GALNT13: variants seen among roughly 807,000 people sequenced by gnomAD.
GALNT13 encodes the protein polypeptide N-acetylgalactosaminyltransferase 13.
A neutral mutation model predicts 64.2 loss-of-function variants in GALNT13; 28 were observed. The ratio of observed to expected loss-of-function variants is 0.44; its 90% CI spans 0.32 to 0.60. The LOEUF (loss-of-function observed/expected upper bound fraction) is 0.60, where lower values mean the gene tolerates loss of function less well. Ranked by LOEUF, GALNT13 falls within the 20% of genes least tolerant of loss-of-function variation. The probability of loss-of-function intolerance (pLI) is 0.05; values close to 1 mark genes in which losing one functional copy is unlikely to be tolerated. For missense variants in GALNT13, 577 were observed against 669.8 expected (o/e 0.86, Z 1.53); for synonymous variants, 214 against 224.6 (o/e 0.95, Z 0.42).
the GALNT13 span, among the ~76,000 whole-genome samples, chr2:153,236,217 A>T: frequency 6.6e-6 from 1 of 152,162 alleles, no homozygotes; most frequent in Non-Finnish European, 1.5e-5. Flanking sequence ...AAGGAAAGAA[A>T]ATGTCTCCAT....
intron 9 of GALNT13, among the ~76,000 whole-genome samples, chr2:154,390,976 G>C (rs1336286248): frequency 6.6e-6 from 1 of 152,182 alleles, no homozygotes; most frequent in Non-Finnish European, 1.5e-5. Flanking sequence ...GCCTAGAAAA[G>C]TCCCTTGTAC....
the GALNT13 span, among the ~76,000 whole-genome samples, chr2:153,725,414 A>T: frequency 6.6e-6 from 1 of 151,226 alleles, no homozygotes; most frequent in African/African-American, 2.4e-5. Flanking sequence ...TATGTAACTA[A>T]CCTGCACAAT....
At chr2:153,395,867 G>C in the GALNT13 span, among the ~76,000 whole-genome samples, 2 of 152,084 alleles carry the variant, frequency 1.3e-5, no homozygotes. Flanking sequence ...TAGTATTACT[G>C]GGTTAAGGGA....
At chr2:153,389,244 T>A in the GALNT13 span, among the ~76,000 whole-genome samples, 1 of 152,134 alleles carries the variant, frequency 6.6e-6, no homozygotes, top group East Asian at 1.9e-4. Context: ...TACAGTCCCC[T>A]GCTGATATTT....
chr2:153,900,260 A>G (rs1329374702), intron 1 of GALNT13, among the ~76,000 whole-genome samples: 3 of 152,202 alleles, frequency 2.0e-5, no homozygotes, highest in African/African-American at 7.2e-5. Context: ...TTGAGATTCA[A>G]AATCAATATG....
chr2:153,197,792 G>A, the GALNT13 span, among the ~76,000 whole-genome samples: 1 of 152,184 alleles, frequency 6.6e-6, no homozygotes, highest in African/African-American at 2.4e-5. Flanking sequence ...CAAGCTCTAG[G>A]TACCACGTGC....
chr2:153,740,357 G>A, the GALNT13 span, among the ~76,000 whole-genome samples: 1 of 151,764 alleles, frequency 6.6e-6, no homozygotes, highest in South Asian at 2.1e-4. Context: ...CTGTATTCTG[G>A]TATTAAACCT....
At chr2:153,849,376 A>G in the GALNT13 span, among the ~76,000 whole-genome samples, 1 of 152,190 alleles carries the variant, frequency 6.6e-6, no homozygotes, top group Non-Finnish European at 1.5e-5. Flanking sequence ...TGTACCTCTA[A>G]TACTCGATAA....
chr2:154,227,052 TA>T (rs1185178999), intron 4 of GALNT13, among the ~76,000 whole-genome samples: 1 of 152,122 alleles, frequency 6.6e-6, no homozygotes, highest in Non-Finnish European at 1.5e-5. Flanking sequence ...CCACTTCATC[TA>T]AAGATGCAAC....
chr2:154,044,106 G>T (rs1336023492), intron 3 of GALNT13, among the ~76,000 whole-genome samples: 1 of 151,820 alleles, frequency 6.6e-6, no homozygotes, highest in Non-Finnish European at 1.5e-5. Context: ...AAAAATATAA[G>T]ATTTGGGCTT....
chr2:153,239,420 T>C, the GALNT13 span, among the ~76,000 whole-genome samples: 5 of 152,148 alleles, frequency 3.3e-5, no homozygotes, highest in Non-Finnish European at 5.9e-5. Flanking sequence ...TTCCAGATCT[T>C]AGAGAAAAGG....
the GALNT13 span, among the ~76,000 whole-genome samples, chr2:153,430,565 G>C: frequency 1.3e-5 from 2 of 148,504 alleles, no homozygotes; most frequent in Non-Finnish European, 3.0e-5. Flanking sequence ...ACTAAGTCTA[G>C]CTTATAATTT....
chr2:154,217,176 C>T (rs995034027), intron 4 of GALNT13, among the ~76,000 whole-genome samples: 4 of 151,882 alleles, frequency 2.6e-5, no homozygotes, highest in Non-Finnish European at 4.4e-5. Flanking sequence ...AAAAAATATA[C>T]CCTATCATTT....
chr2:154,450,594 T>G lies in GALNT13; in HGVS notation c.*43T>G. On this transcript the variant is annotated 3_prime_UTR_variant, in exon 13 of 13. Coordinates refer to ENST00000392825, the MANE Select transcript of GALNT13 (RefSeq NM_052917.4). The stretch of plus-strand genomic sequence containing the variant: ...CCATGAAAGTGTCTACGCTTTTGTT[T>G]TTCCATTATTTCAATTGGGGGAAAA... 1 of 1,479,418 alleles carries G rather than the reference T, an allele frequency of 6.8e-7. No individual in the cohort carries two copies. The highest frequency in any genetic ancestry group is 9.0e-7 in the Non-Finnish European group (1 of 1,108,916). 91.6% of individuals were successfully genotyped at this position (1,479,418 alleles called of 1,614,324 possible). A position where few individuals can be genotyped will look rare whatever the true frequency, so the allele number is the denominator to read the frequency against.
intron 3 of GALNT13, among the ~76,000 whole-genome samples, chr2:154,120,166 A>G (rs72871830): frequency 0.015 from 2,247 of 152,250 alleles, 32 homozygotes; most frequent in Middle Eastern, 0.041. Context: ...CTGGCCTGGT[A>G]GAGCTTGCTG....
chr2:153,121,324 C>A, the GALNT13 span, among the ~76,000 whole-genome samples: 1 of 152,142 alleles, frequency 6.6e-6, no homozygotes, highest in Non-Finnish European at 1.5e-5. Flanking sequence ...TTTTAGAAAT[C>A]TAAAATAGAT....
intron 11 of GALNT13, among the ~76,000 whole-genome samples, chr2:154,413,188 T>A (rs1396732939): frequency 6.6e-6 from 1 of 151,892 alleles, no homozygotes; most frequent in Non-Finnish European, 1.5e-5. Context: ...CGTTAATGTC[T>A]GCAGACATCT....
At chr2:153,981,619 G>A (rs1255926094) in intron 3 of GALNT13, among the ~76,000 whole-genome samples, 1 of 152,012 alleles carries the variant, frequency 6.6e-6, no homozygotes, top group Non-Finnish European at 1.5e-5. Context: ...GTCTATCATT[G>A]ATGGACATTC....
intron 1 of GALNT13, among the ~76,000 whole-genome samples, chr2:153,875,124 A>ATATG (rs1686270311): frequency 6.6e-6 from 1 of 151,906 alleles, no homozygotes; most frequent in African/African-American, 2.4e-5. Flanking sequence ...ATATATATAT[A>ATATG]TATATGAGAT....
Sources: allele counts gnomAD v4.1 joint callset (sites outside exome capture counted in the v4.1 genomes callset), GRCh38; gene constraint gnomAD v4.1.1; transcripts MANE v1.5; gene names NCBI Gene and HGNC (gene_info 2026-07-23, HGNC 2026-07-21).